Variants in C19orf47 observed in about 807,000 individuals in gnomAD.
The protein encoded by C19orf47 is uncharacterized protein C19orf47.
A neutral mutation model predicts 32.3 loss-of-function variants in C19orf47; 18 were observed. The observed-to-expected ratio is 0.56, with a 90% CI of 0.39 to 0.83. The LOEUF (loss-of-function observed/expected upper bound fraction) is 0.83, where lower values mean the gene tolerates loss of function less well. Ranked by LOEUF, C19orf47 falls within the 40% of genes least tolerant of loss-of-function variation. The probability of loss-of-function intolerance (pLI) is 0.00; values close to 1 mark genes in which losing one functional copy is unlikely to be tolerated. For synonymous variants in C19orf47, 202 were observed against 211.1 expected (o/e 0.96, Z 0.37); for missense variants, 484 against 531.6 (o/e 0.91, Z 0.88).
At chr19:40,339,982 A>G (rs1280260696) in intron 2 of C19orf47, among the ~76,000 whole-genome samples, 1 of 146,564 alleles carries the variant, frequency 6.8e-6, no homozygotes, top group African/African-American at 2.6e-5. Flanking sequence ...TCTCAAAACA[A>G]AAAAAAAAAA....
intron 4 of C19orf47, among the ~76,000 whole-genome samples, chr19:40,335,433 G>A (rs1047000390): frequency 2.6e-5 from 4 of 152,160 alleles, no homozygotes; most frequent in Non-Finnish European, 4.4e-5. Flanking sequence ...CACTGTGCTA[G>A]TGCTTCACAT....
chr19:40,322,239 C>T lies in C19orf47; in HGVS notation c.801G>A (p.Lys267=), dbSNP rs2077734939. 1.9e-6 allele frequency: 3 copies of T among 1,609,170 alleles called. No homozygotes were observed. The East Asian group carries it at 6.7e-5, about 36-fold the overall frequency. ...VLKKLGRGPA[K]ASPQPALTVK... ...CAGTCAGTGCTGGCTGGGGACTGGC[C>T]TTGGCTGGGCCCCGTCCTAGCTTCT... is the stretch of plus-strand genomic sequence containing the variant. Residue 267 remains lysine, a synonymous_variant, in exon 9 of 9, where the codon AAG becomes AAA. Coordinates refer to ENST00000683109, the MANE Select transcript of C19orf47 (RefSeq NM_001256441.2).
At chr19:40,345,848 C>CAA (rs35848570) in intron 1 of C19orf47, among the ~76,000 whole-genome samples, 8,223 of 74,988 alleles carry the variant, frequency 0.11, 711 homozygotes, top group African/African-American at 0.23. Context: ...GACTCAGTCT[C>CAA]AAAAAAAAAA....
At chr19:40,302,797 T>C in the C19orf47 span, among the ~76,000 whole-genome samples, 1 of 152,208 alleles carries the variant, frequency 6.6e-6, no homozygotes, top group African/African-American at 2.4e-5. Flanking sequence ...CAAACTAACA[T>C]TTCCAGTCTT....
At chr19:40,305,970 T>G in the C19orf47 span, among the ~76,000 whole-genome samples, 1 of 151,750 alleles carries the variant, frequency 6.6e-6, no homozygotes, top group Admixed American at 6.6e-5. Context: ...CCCACCATGG[T>G]GAAACCCCAT....
the C19orf47 span, among the ~76,000 whole-genome samples, chr19:40,310,735 C>A: frequency 6.6e-6 from 1 of 152,132 alleles, no homozygotes; most frequent in Non-Finnish European, 1.5e-5. Context: ...ATGTAACCAT[C>A]TGAGTAAGAA....
At chr19:40,294,629 C>T in the C19orf47 span, among the ~76,000 whole-genome samples, 3 of 152,130 alleles carry the variant, frequency 2.0e-5, no homozygotes, top group Non-Finnish European at 2.9e-5. Flanking sequence ...TGCTGTGGGT[C>T]CCCAAGACAA....
intron 5 of C19orf47, 35 bp downstream of exon 5, chr19:40,333,816 A>G: frequency 6.7e-7 from 1 of 1,495,400 alleles, no homozygotes; most frequent in Non-Finnish European, 9.0e-7. Flanking sequence ...GGGTATAAAA[A>G]TCAAGGAAAA....
intron 1 of C19orf47, among the ~76,000 whole-genome samples, chr19:40,347,546 A>AG (rs1351683056): frequency 1.3e-5 from 2 of 151,856 alleles, no homozygotes; most frequent in Non-Finnish European, 2.9e-5. Flanking sequence ...GAAAAAAAAA[A>AG]GAAGAAGACA....
At chr19:40,309,177 C>T in the C19orf47 span, among the ~76,000 whole-genome samples, 1 of 151,262 alleles carries the variant, frequency 6.6e-6, no homozygotes, top group African/African-American at 2.4e-5. Flanking sequence ...TCAGCAGCCA[C>T]TTTATTTCTC....
intron 5 of C19orf47, among the ~76,000 whole-genome samples, chr19:40,333,193 G>A (rs1342015099): frequency 6.6e-6 from 1 of 151,860 alleles, no homozygotes; most frequent in Non-Finnish European, 1.5e-5. Context: ...GGGAGGTGGA[G>A]GTTGCAGTGA....
chr19:40,331,349 G>A (rs2077949245), intron 5 of C19orf47, among the ~76,000 whole-genome samples: 1 of 152,230 alleles, frequency 6.6e-6, no homozygotes, highest in African/African-American at 2.4e-5. Context: ...GATAACATCA[G>A]GACAACCATC....
chr19:40,333,956 TCA>T, intron 4 of C19orf47, 27 bp from the exon 5 acceptor site: 1 of 1,531,014 alleles, frequency 6.5e-7, no homozygotes, highest in Non-Finnish European at 8.8e-7. Context: ...GGCACCTGGG[TCA>T]CCACAGAAGA....
intron 2 of C19orf47, among the ~76,000 whole-genome samples, chr19:40,337,590 A>C (rs1040664902): frequency 2.0e-5 from 3 of 152,258 alleles, no homozygotes; most frequent in Admixed American, 6.5e-5. Flanking sequence ...TTCTCAGTAC[A>C]TCCAATAATC....
rs918488395 is a variant in C19orf47 at position 40,322,475 on chromosome 19, T to C, written c.664-99A>G. On this transcript the variant is annotated intron_variant, in intron 8 of 8. Coordinates refer to ENST00000683109, the MANE Select transcript of C19orf47 (RefSeq NM_001256441.2). ...GTGCCTGGCCTCCTGGGACTCACAG[T>C]TGGGAGAAACACCCATCACTGACAC... 1.2e-5 allele frequency: 17 copies of C among 1,371,310 alleles called. No homozygotes were observed. The African/African-American group carries it at 2.2e-4, about 18-fold the overall frequency. 84.9% of individuals were successfully genotyped at this position (1,371,310 alleles called of 1,614,324 possible). A position where few individuals can be genotyped will look rare whatever the true frequency, so the allele number is the denominator to read the frequency against.
chr19:40,297,560 G>C, the C19orf47 span, among the ~76,000 whole-genome samples: 1 of 152,144 alleles, frequency 6.6e-6, no homozygotes. Context: ...AATTAGCTGG[G>C]CATGGTGGCG....
At chr19:40,344,436 A>C (rs1317597239) in intron 1 of C19orf47, among the ~76,000 whole-genome samples, 2 of 152,136 alleles carry the variant, frequency 1.3e-5, no homozygotes, top group East Asian at 3.9e-4. Context: ...CCGAGATCAC[A>C]CCACTGCACT....
chr19:40,341,508 C>T (rs2078176942), intron 2 of C19orf47, among the ~76,000 whole-genome samples: 2 of 152,186 alleles, frequency 1.3e-5, no homozygotes, highest in African/African-American at 4.8e-5. Flanking sequence ...CAAGCTTTTA[C>T]ATGCTATAAT....
At chr19:40,307,036 G>A in the C19orf47 span, among the ~76,000 whole-genome samples, 3 of 149,158 alleles carry the variant, frequency 2.0e-5, no homozygotes, top group East Asian at 4.0e-4. Flanking sequence ...TGATCCGCCC[G>A]CCTGGGCCTC....
Sources: gnomAD v4.1 joint callset for allele counts (sites outside exome capture counted in the v4.1 genomes callset) on GRCh38, gnomAD v4.1.1 for gene constraint, MANE v1.5 for transcripts, NCBI Gene and HGNC (gene_info 2026-07-23, HGNC 2026-07-21) for gene names.